NEGR1: variants seen among roughly 807,000 people sequenced by gnomAD.
NEGR1 encodes neuronal growth regulator 1.
A neutral mutation model predicts 40.9 loss-of-function variants in NEGR1; 10 were observed. The ratio of observed to expected loss-of-function variants is 0.24; its 90% CI spans 0.15 to 0.42. NEGR1 has a LOEUF of 0.42. NEGR1 is among the 10% of genes least tolerant of loss of function. The probability of loss-of-function intolerance (pLI) is 1.00; values close to 1 mark genes in which losing one functional copy is unlikely to be tolerated. For missense variants in NEGR1, 352 were observed against 438.9 expected, an observed-to-expected ratio of 0.80 and a Z score of 1.77; for synonymous variants, 185 against 166.8, an observed-to-expected ratio of 1.11 and a Z score of -0.84.
chr1:72,268,889 G>T (rs1655748026), intron 1 of NEGR1, among the ~76,000 whole-genome samples: 1 of 147,788 alleles, frequency 6.8e-6, no homozygotes, highest in South Asian at 2.1e-4. Flanking sequence ...GGGTTATAAA[G>T]GTTTGAAAGC....
intron 1 of NEGR1, among the ~76,000 whole-genome samples, chr1:72,046,284 T>A (rs535120310): frequency 1.3e-5 from 2 of 151,560 alleles, no homozygotes; most frequent in East Asian, 1.9e-4. Flanking sequence ...ATGATAAAAA[T>A]TAAATATTTT....
At chr1:72,033,279 G>T (rs1307392745) in intron 1 of NEGR1, among the ~76,000 whole-genome samples, 1 of 152,080 alleles carries the variant, frequency 6.6e-6, no homozygotes, top group Non-Finnish European at 1.5e-5. Context: ...TTTTATTGAA[G>T]AACCTTTGGG....
At chr1:71,725,923 A>T (rs1040059613) in intron 3 of NEGR1, among the ~76,000 whole-genome samples, 7 of 152,094 alleles carry the variant, frequency 4.6e-5, no homozygotes, top group African/African-American at 1.4e-4. Flanking sequence ...TACATAAGTG[A>T]CATTTGTTTT....
At chr1:72,213,673 C>T (rs1044472451) in intron 1 of NEGR1, among the ~76,000 whole-genome samples, 1 of 151,798 alleles carries the variant, frequency 6.6e-6, no homozygotes, top group African/African-American at 2.4e-5. Context: ...AAGACTAAAC[C>T]AGGTAAAGTT....
chr1:71,621,805 G>A (rs371031005), intron 4 of NEGR1, among the ~76,000 whole-genome samples: 1 of 151,798 alleles, frequency 6.6e-6, no homozygotes, highest in African/African-American at 2.4e-5. Context: ...TTTTCAAGGG[G>A]TTGAATTTAC....
intron 1 of NEGR1, among the ~76,000 whole-genome samples, chr1:72,124,489 C>T (rs962183079): frequency 2.0e-5 from 3 of 151,778 alleles, no homozygotes; most frequent in East Asian, 3.9e-4. Context: ...AACACTCGAG[C>T]GATATGGCAA....
chr1:72,151,101 G>A (rs573577705), intron 1 of NEGR1, among the ~76,000 whole-genome samples: 8 of 151,770 alleles, frequency 5.3e-5, no homozygotes, highest in South Asian at 2.1e-4. Flanking sequence ...AACAAATTTC[G>A]AGGAGGAATT....
chr1:71,749,511 G>T (rs1323239458), intron 3 of NEGR1, among the ~76,000 whole-genome samples: 1 of 152,148 alleles, frequency 6.6e-6, no homozygotes, highest in Admixed American at 6.5e-5. Flanking sequence ...GGAAAGGATA[G>T]TTATTAATTT....
At chr1:71,818,230 C>G (rs1053380281) in intron 2 of NEGR1, among the ~76,000 whole-genome samples, 1 of 151,988 alleles carries the variant, frequency 6.6e-6, no homozygotes, top group Non-Finnish European at 1.5e-5. Context: ...AAGACGTATA[C>G]ATGAGTATGT....
chr1:71,860,697 A>T (rs1659919794), intron 2 of NEGR1, among the ~76,000 whole-genome samples: 1 of 152,054 alleles, frequency 6.6e-6, no homozygotes, highest in Non-Finnish European at 1.5e-5. Flanking sequence ...CTTAAATCAC[A>T]TTCTTAAGGA....
At chr1:71,867,342 G>A (rs550722170) in intron 2 of NEGR1, among the ~76,000 whole-genome samples, 76 of 152,284 alleles carry the variant, frequency 5.0e-4, no homozygotes, top group African/African-American at 1.1e-3. Flanking sequence ...CCACTGAACC[G>A]CCACCCTGGG....
chr1:71,451,850 C>CA (rs1241731676), intron 6 of NEGR1, among the ~76,000 whole-genome samples: 3 of 152,114 alleles, frequency 2.0e-5, no homozygotes, highest in Non-Finnish European at 4.4e-5. Context: ...AGTACATATT[C>CA]CTGAAAACAA....
chr1:72,112,943 C>T (rs1032409175), intron 1 of NEGR1, among the ~76,000 whole-genome samples: 1 of 151,714 alleles, frequency 6.6e-6, no homozygotes, highest in Admixed American at 6.6e-5. Flanking sequence ...TCCTTTTTAA[C>T]ACCACCTCCA....
chr1:71,771,292 C>G (rs1198446443), intron 3 of NEGR1, among the ~76,000 whole-genome samples: 6 of 151,830 alleles, frequency 4.0e-5, no homozygotes, highest in Non-Finnish European at 5.9e-5. Flanking sequence ...ACACTGGGGC[C>G]TGTCAGGGGG....
chr1:71,776,572 A>G (rs1656518193), intron 2 of NEGR1, among the ~76,000 whole-genome samples: 1 of 152,190 alleles, frequency 6.6e-6, no homozygotes, highest in Non-Finnish European at 1.5e-5. Flanking sequence ...AATATGTATT[A>G]TGAGTAATTT....
rs535312651 is a variant in NEGR1 at position 72,022,821 on chromosome 1, T to C, written c.177-87510A>G. Among the ~76,000 whole-genome samples the C allele has an allele frequency of 2.6e-5, 4 of 152,250 alleles. No homozygotes were observed. In the South Asian group the frequency reaches 8.3e-4, roughly 32 times the overall value. ...TGTCTACATGTAGGCACCAAAAGAA[T>C]CTACAAATTCATAATTAAATTCAAT... On this transcript the variant is annotated intron_variant, in intron 1 of 6. Transcript: ENST00000357731.
chr1:71,756,394 C>CAAAAA (rs1293104436), intron 3 of NEGR1, among the ~76,000 whole-genome samples: 7 of 58,576 alleles, frequency 1.2e-4, no homozygotes, highest in East Asian at 1.1e-3. Context: ...CTCAAAAAAA[C>CAAAAA]AAAAAACAAA....
At chr1:71,989,279 C>A (rs1646430010) in intron 1 of NEGR1, among the ~76,000 whole-genome samples, 1 of 152,194 alleles carries the variant, frequency 6.6e-6, no homozygotes, top group African/African-American at 2.4e-5. Context: ...CAGCCTTCCA[C>A]TCCCACAGAT....
chr1:71,869,509 C>T (rs1342179139), intron 2 of NEGR1, among the ~76,000 whole-genome samples: 1 of 152,084 alleles, frequency 6.6e-6, no homozygotes, highest in Admixed American at 6.6e-5. Context: ...AAGGGAAATG[C>T]AATTAGTCTC....
Sources: gnomAD v4.1 joint callset for allele counts (sites outside exome capture counted in the v4.1 genomes callset) on GRCh38, gnomAD v4.1.1 for gene constraint, MANE v1.5 for transcripts, NCBI Gene and HGNC (gene_info 2026-07-23, HGNC 2026-07-21) for gene names.